Variants in ADAMTS17 observed in about 807,000 individuals in gnomAD.
ADAMTS17 encodes A disintegrin and metalloproteinase with thrombospondin motifs 17.
ADAMTS17 carries 113 observed loss-of-function variants against 141.5 expected under a neutral mutation model. The ratio of observed to expected loss-of-function variants is 0.80; its 90% CI spans 0.69 to 0.93. The LOEUF is 0.93. ADAMTS17 is among the 40% of genes least tolerant of loss of function. ADAMTS17 has a pLI of 0.00. For synonymous variants in ADAMTS17, 768 were observed against 630.6 expected (o/e 1.22, Z -3.27); for missense variants, 1,659 against 1,517.9 (o/e 1.09, Z -1.54).
At chr15:100,249,295 C>G (rs919333992) in intron 7 of ADAMTS17, among the ~76,000 whole-genome samples, 1 of 152,232 alleles carries the variant, frequency 6.6e-6, no homozygotes, top group African/African-American at 2.4e-5. Flanking sequence ...CCCGAAAGAT[C>G]TGAAGGGTGC....
At chr15:100,259,597 GAC>G (rs918204247) in intron 6 of ADAMTS17, among the ~76,000 whole-genome samples, 2 of 152,212 alleles carry the variant, frequency 1.3e-5, no homozygotes, top group African/African-American at 2.4e-5. Flanking sequence ...AGAATTATTA[GAC>G]AGACTTTTTC....
In ADAMTS17 at chr15:99,973,416, C is replaced by G. The variant is rs188429259; in HGVS notation, c.*986G>C. 1.3e-5 allele frequency: 2 copies of G among 152,346 alleles called. No homozygotes were observed. The highest frequency in any genetic ancestry group is 3.9e-4 in the East Asian group (2 of 5,180). The allele number at this position is 152,346 out of a possible 1,614,324, so 9.4% of individuals were successfully genotyped here. ...TGTCCTCAGAGGTCCCAAATGTCGT[C>G]TTACCTTCAGATAAATGGCCACGGT... On this transcript the variant is annotated 3_prime_UTR_variant, in exon 22 of 22. Coordinates refer to ENST00000268070, the MANE Select transcript of ADAMTS17 (RefSeq NM_139057.4).
At chr15:100,305,262 T>A (rs1306718128) in intron 3 of ADAMTS17, among the ~76,000 whole-genome samples, 1 of 152,246 alleles carries the variant, frequency 6.6e-6, no homozygotes, top group Non-Finnish European at 1.5e-5. Context: ...CATCTCAACC[T>A]GGTCTTTATG....
intron 14 of ADAMTS17, among the ~76,000 whole-genome samples, chr15:100,105,846 T>A (rs772893558): frequency 3.3e-5 from 5 of 151,914 alleles, no homozygotes; most frequent in African/African-American, 1.2e-4. Flanking sequence ...CATCACCACA[T>A]CCAGCTAATT....
At position 100,213,570 on chromosome 15, in the gene ADAMTS17, C is replaced by G. The variant is rs143415406; in HGVS notation, c.1076-14147G>C. On this transcript the variant is annotated intron_variant, in intron 7 of 21. Coordinates refer to ENST00000268070, the MANE Select transcript of ADAMTS17 (RefSeq NM_139057.4). Reference sequence around the variant, plus strand: ...AGCTGTGTTATTTTCCTAAATCACTCTCTCTCGGTCTAACATAAACAACTC... The same window carrying G: ...AGCTGTGTTATTTTCCTAAATCACTGTCTCTCGGTCTAACATAAACAACTC... Among the ~76,000 whole-genome samples, 458 of 152,352 alleles carry G rather than the reference C, an allele frequency of 3.0e-3. 2 individuals are homozygous for G. The highest frequency in any genetic ancestry group is 0.01 in the African/African-American group (427 of 41,580).
intron 7 of ADAMTS17, among the ~76,000 whole-genome samples, chr15:100,222,962 G>A (rs2042181425): frequency 1.3e-5 from 2 of 152,176 alleles, no homozygotes; most frequent in Admixed American, 6.5e-5. Flanking sequence ...TGTTTCCTGG[G>A]ATTTAATTCT....
rs565975047 is a variant in ADAMTS17 at position 100,300,575 on chromosome 15, C to T, written c.617-19174G>A. 1.4e-4 allele frequency among the ~76,000 whole-genome samples: 22 copies of T among 152,354 alleles called. No individual in the cohort carries two copies. In the South Asian group the frequency reaches 2.7e-3, roughly 19 times the overall value. On this transcript the variant is annotated intron_variant, in intron 3 of 21. Transcript: ENST00000268070. ...GAAGTGCTTCCACGTGCAAAGGAGC[C>T]TTGGGCTCCACCAGGGTGAGCAAAC...
intron 12 of ADAMTS17, 88 bp downstream of exon 12, chr15:100,131,919 C>A (rs1006779376): frequency 6.3e-7 from 1 of 1,596,108 alleles, no homozygotes; most frequent in African/African-American, 1.3e-5. Flanking sequence ...CAGCGGGAGA[C>A]AGACCCTGCT....
chr15:99,971,959 A>G lies in ADAMTS17; in HGVS notation c.*2443T>C, dbSNP rs553190300. The G allele has an allele frequency of 5.9e-5, 9 of 152,324 alleles. No homozygotes were observed. Among genetic ancestry groups the G allele is most frequent in the African/African-American group, 2.2e-4 (9 of 41,556 alleles). 9.4% of individuals were successfully genotyped at this position (152,324 alleles called of 1,614,324 possible). ...AGAAGGTAGGCTGGTGGATTTCAAG[A>G]TAAGCTAAAAGGCCGGGCGCGGTGG... On this transcript the variant is annotated 3_prime_UTR_variant, in exon 22 of 22. Coordinates refer to ENST00000268070, the MANE Select transcript of ADAMTS17 (RefSeq NM_139057.4).
Position 100,238,522 on chromosome 15 carries a change from G to A in ADAMTS17, c.1075+15614C>T, listed in dbSNP as rs527345868. On this transcript the variant is annotated intron_variant, in intron 7 of 21. Coordinates refer to ENST00000268070, the MANE Select transcript of ADAMTS17 (RefSeq NM_139057.4). The stretch of plus-strand genomic sequence containing the variant: ...GTCGGTGAGGACAAAGATCCGTCCT[G>A]AACACAGAATCTGTGATGGACACAG... Among the ~76,000 whole-genome samples, 4 of 152,334 alleles carry A rather than the reference G, an allele frequency of 2.6e-5. No individual in the cohort carries two copies. In the South Asian group the frequency reaches 8.3e-4, roughly 32 times the overall value.
chr15:100,341,740 G>A (rs1280856123), intron 1 of ADAMTS17, 81 bp downstream of exon 1: 1 of 1,485,770 alleles, frequency 6.7e-7, no homozygotes, highest in East Asian at 2.8e-5. Context: ...GCCGCCCCCG[G>A]GCCGCCAGGA....
At chr15:99,991,869 G>A (rs1328921501) in intron 20 of ADAMTS17, among the ~76,000 whole-genome samples, 8 of 152,128 alleles carry the variant, frequency 5.3e-5, no homozygotes, top group Admixed American at 5.2e-4. Context: ...CATGTCCTTT[G>A]CAGGGACATG....
intron 7 of ADAMTS17, among the ~76,000 whole-genome samples, chr15:100,201,796 G>T (rs2041344370): frequency 6.6e-6 from 1 of 152,144 alleles, no homozygotes; most frequent in Non-Finnish European, 1.5e-5. Context: ...GATGTGATGT[G>T]GTTTCTCGGT....
chr15:100,173,939 T>C (rs1687683444), intron 8 of ADAMTS17, among the ~76,000 whole-genome samples: 2 of 152,218 alleles, frequency 1.3e-5, no homozygotes, highest in South Asian at 2.1e-4. Context: ...TGTCTGTGAA[T>C]AGCTCAGGCA....
chr15:100,187,408 G>C (rs754371864), intron 8 of ADAMTS17, among the ~76,000 whole-genome samples: 2 of 152,188 alleles, frequency 1.3e-5, no homozygotes, highest in Non-Finnish European at 2.9e-5. Flanking sequence ...TCACTTTGTA[G>C]GAGTTGCTAT....
intron 8 of ADAMTS17, among the ~76,000 whole-genome samples, chr15:100,178,143 T>C (rs769675680): frequency 3.3e-5 from 5 of 152,214 alleles, no homozygotes; most frequent in African/African-American, 1.2e-4. Flanking sequence ...GTCTTTTAGC[T>C]GAAGTATTTT....
rs569410111 is a variant in ADAMTS17 at position 100,142,795 on chromosome 15, A to C, written c.1474-9480T>G. Among the ~76,000 whole-genome samples the C allele has an allele frequency of 5.3e-5, 8 of 152,322 alleles. No homozygotes were observed. The South Asian group carries it at 1.7e-3, about 32-fold the overall frequency. On this transcript the variant is annotated intron_variant, in intron 10 of 21. Coordinates refer to ENST00000268070, the MANE Select transcript of ADAMTS17 (RefSeq NM_139057.4). ...AGAGAAAGGAGGGAGTATTACGTAG[A>C]AACAATTGTCTAAGACCTTCCAATG... is the stretch of plus-strand genomic sequence containing the variant.
chr15:100,047,463 G>C (rs1295179588), intron 18 of ADAMTS17, among the ~76,000 whole-genome samples: 4 of 151,818 alleles, frequency 2.6e-5, no homozygotes, highest in African/African-American at 7.3e-5. Flanking sequence ...GCTGACATGT[G>C]ATGTCTCCCC....
intron 7 of ADAMTS17, among the ~76,000 whole-genome samples, chr15:100,216,246 C>A (rs563973682): frequency 1.3e-5 from 2 of 152,342 alleles, no homozygotes; most frequent in South Asian, 4.2e-4. Context: ...TATTATCTAA[C>A]ACTGCAATTA....
Sources: gnomAD v4.1 joint callset for allele counts (sites outside exome capture counted in the v4.1 genomes callset) on GRCh38, gnomAD v4.1.1 for gene constraint, MANE v1.5 for transcripts, NCBI Gene and HGNC (gene_info 2026-07-23, HGNC 2026-07-21) for gene names.